DLG2: variants seen among roughly 807,000 people sequenced by gnomAD.
DLG2 encodes disks large homolog 2.
A neutral mutation model predicts 132.5 loss-of-function variants in DLG2; 45 were observed. That is an observed-to-expected ratio of 0.34 (90% CI 0.27 to 0.44). The LOEUF (loss-of-function observed/expected upper bound fraction) is 0.44, where lower values mean the gene tolerates loss of function less well. DLG2 is among the 20% of genes least tolerant of loss of function. DLG2 has a pLI of 1.00. For missense variants in DLG2, 1,045 were observed against 1,196.9 expected (o/e 0.87, Z 1.87); for synonymous variants, 424 against 419.6 (o/e 1.01, Z -0.13).
At chr11:84,744,916 A>AAAAG (rs1565850664) in intron 6 of DLG2, among the ~76,000 whole-genome samples, 2 of 150,874 alleles carry the variant, frequency 1.3e-5, no homozygotes, top group Admixed American at 6.6e-5. Flanking sequence ...AAAAAAAAAA[A>AAAAG]AAAGAAACCT....
chr11:84,220,780 C>CTTTTT, intron 8 of DLG2, among the ~76,000 whole-genome samples: 446 of 77,442 alleles, frequency 5.8e-3, no homozygotes, highest in African/African-American at 0.01. Context: ...TTTTTCTTTT[C>CTTTTT]TTTTTTTTTT....
At chr11:83,820,988 G>C (rs1174680856) in intron 17 of DLG2, among the ~76,000 whole-genome samples, 1 of 152,158 alleles carries the variant, frequency 6.6e-6, no homozygotes, top group African/African-American at 2.4e-5. Context: ...ATCTCCAAAA[G>C]CTTTCCTTTC....
At chr11:84,357,337 A>T (rs1178279907) in intron 7 of DLG2, among the ~76,000 whole-genome samples, 1 of 152,036 alleles carries the variant, frequency 6.6e-6, no homozygotes. Flanking sequence ...ATGTATCAAA[A>T]GGCACACAGA....
rs116524013 is a variant in DLG2, at chr11:84,110,642, C to T, written c.625-11595G>A. ...GATAGGTTGGAAGTATCCTTCATTG[C>T]TTTTCTCTGAGTCCATCAGAGAAAA... On this transcript the variant is annotated intron_variant, in intron 9 of 27. Coordinates refer to ENST00000376104, the MANE Select transcript of DLG2 (RefSeq NM_001142699.3). 7.9e-3 allele frequency among the ~76,000 whole-genome samples: 1,205 copies of T among 152,300 alleles called. 17 individuals are homozygous for T. Among genetic ancestry groups the T allele is most frequent in the African/African-American group, 0.027 (1,128 of 41,552 alleles).
chr11:85,194,978 C>T (rs1198075736), intron 4 of DLG2, among the ~76,000 whole-genome samples: 2 of 152,154 alleles, frequency 1.3e-5, no homozygotes, highest in Admixed American at 6.5e-5. Flanking sequence ...TGTTCTATGT[C>T]AGCCTGGCTC....
chr11:83,490,519 C>G (rs2093780303), intron 21 of DLG2, among the ~76,000 whole-genome samples: 1 of 151,822 alleles, frequency 6.6e-6, no homozygotes. Flanking sequence ...TCTGTGGATG[C>G]CTAAAGCATT....
chr11:83,836,899 C>A (rs2056320354), intron 16 of DLG2, among the ~76,000 whole-genome samples: 1 of 152,130 alleles, frequency 6.6e-6, no homozygotes, highest in African/African-American at 2.4e-5. Context: ...CAGTTCAGCT[C>A]CCCCTTGATC....
intron 6 of DLG2, among the ~76,000 whole-genome samples, chr11:84,690,780 C>T (rs767879208): frequency 4.0e-5 from 6 of 151,830 alleles, no homozygotes; most frequent in Non-Finnish European, 7.4e-5. Context: ...CTCCAAATCA[C>T]ATACTTAATA....
chr11:84,384,662 T>C (rs2098761764), intron 7 of DLG2, among the ~76,000 whole-genome samples: 1 of 151,930 alleles, frequency 6.6e-6, no homozygotes, highest in South Asian at 2.1e-4. Flanking sequence ...ATAACTATAT[T>C]AAATATATAT....
rs1195677828 is a variant in DLG2, at chr11:85,273,633, A to G, written c.186+11587T>C. Among the ~76,000 whole-genome samples, 3 of 152,236 alleles carry G rather than the reference A, an allele frequency of 2.0e-5. No individual in the cohort carries two copies. The East Asian group carries it at 5.8e-4, about 29-fold the overall frequency. On this transcript the variant is annotated intron_variant, in intron 4 of 27. Coordinates refer to ENST00000376104, the MANE Select transcript of DLG2 (RefSeq NM_001142699.3). ...GATGCTGGAGAGGATGTGGAGAAAT[A>G]GGAACACTTTTACACTGTTGGTGGG...
intron 6 of DLG2, among the ~76,000 whole-genome samples, chr11:84,640,876 G>A (rs944307051): frequency 6.6e-6 from 1 of 150,884 alleles, no homozygotes; most frequent in African/African-American, 2.4e-5. Flanking sequence ...GGAGGTGGAG[G>A]TTGCAGTGAG....
At chr11:85,173,096 C>T (rs186642895) in intron 4 of DLG2, among the ~76,000 whole-genome samples, 1 of 152,216 alleles carries the variant, frequency 6.6e-6, no homozygotes, top group Non-Finnish European at 1.5e-5. Flanking sequence ...ATCGGGCCAA[C>T]ATTCAAATTC....
At chr11:84,974,960 G>A (rs561655736) in intron 6 of DLG2, among the ~76,000 whole-genome samples, 11 of 152,286 alleles carry the variant, frequency 7.2e-5, no homozygotes, top group African/African-American at 2.2e-4. Flanking sequence ...AGTGTGAGAG[G>A]TGTGTCAGAT....
At chr11:84,449,605 G>A (rs1567667550) in intron 7 of DLG2, among the ~76,000 whole-genome samples, 1 of 151,688 alleles carries the variant, frequency 6.6e-6, no homozygotes, top group Non-Finnish European at 1.5e-5. Context: ...GATGCACAAA[G>A]TATTTTGTCC....
intron 4 of DLG2, among the ~76,000 whole-genome samples, chr11:85,158,216 C>T (rs948850164): frequency 5.3e-5 from 8 of 152,014 alleles, no homozygotes; most frequent in East Asian, 1.9e-4. Context: ...TAAGGGTGTG[C>T]GATAATGGTG....
At chr11:83,785,214 C>T (rs2094999524) in intron 18 of DLG2, among the ~76,000 whole-genome samples, 1 of 152,078 alleles carries the variant, frequency 6.6e-6, no homozygotes, top group Non-Finnish European at 1.5e-5. Flanking sequence ...GCTACCACAT[C>T]TGGCTATTTT....
At chr11:83,581,880 C>G (rs1049404389) in intron 19 of DLG2, among the ~76,000 whole-genome samples, 1 of 149,858 alleles carries the variant, frequency 6.7e-6, no homozygotes, top group Non-Finnish European at 1.5e-5. Context: ...GAATTACATA[C>G]TAGGTTCCCA....
rs78976360 is a variant in DLG2 at position 84,646,844 on chromosome 11, A to C, written c.358-112113T>G. The stretch of plus-strand genomic sequence containing the variant: ...TGATAAGCGCTGTGCTGGACCCTGA[A>C]ATGAAAAATGTTATCCAGCGGATGT... On this transcript the variant is annotated intron_variant, in intron 6 of 27. Coordinates refer to ENST00000376104, the MANE Select transcript of DLG2 (RefSeq NM_001142699.3). Among the ~76,000 whole-genome samples the C allele has an allele frequency of 2.0e-5, 3 of 152,316 alleles. No individual in the cohort carries two copies. In the East Asian group the frequency reaches 5.8e-4, roughly 29 times the overall value.
rs183017238 is a variant in DLG2 at position 84,831,053 on chromosome 11, C to T, written c.357+280608G>A. Among the ~76,000 whole-genome samples the T allele has an allele frequency of 1.9e-4, 27 of 140,590 alleles. 1 individual carries two copies. Among genetic ancestry groups the T allele is most frequent in the African/African-American group, 6.0e-4 (23 of 38,248 alleles). The allele number at this position is 140,590 out of a possible 152,430, so 92.2% of individuals were successfully genotyped here. On this transcript the variant is annotated intron_variant, in intron 6 of 27. Coordinates refer to ENST00000376104, the MANE Select transcript of DLG2 (RefSeq NM_001142699.3). The stretch of plus-strand genomic sequence containing the variant: ...ATTTTAAAGAACCAAAAAGGGGCAA[C>T]AGATCTCCTAAAAAAAACTGTTCTC...
Sources: gnomAD v4.1 joint callset for allele counts (sites outside exome capture counted in the v4.1 genomes callset) on GRCh38, gnomAD v4.1.1 for gene constraint, MANE v1.5 for transcripts, NCBI Gene and HGNC (gene_info 2026-07-23, HGNC 2026-07-21) for gene names.